The following ZNF117 variants were observed in gnomAD, a reference collection of about 807,000 sequenced individuals.
The protein encoded by ZNF117 is Krueppel-related zinc finger protein.
Under a neutral mutation model 41.2 loss-of-function variants are expected in ZNF117, and 37 were observed. The ratio of observed to expected loss-of-function variants is 0.90; its 90% CI spans 0.69 to 1.18. The LOEUF is 1.18. ZNF117 is among the 50% of genes most tolerant of loss of function. ZNF117 has a pLI of 0.00. For synonymous variants in ZNF117, 186 were observed against 186.6 expected (o/e 1.00, Z 0.02); for missense variants, 546 against 557.5 (o/e 0.98, Z 0.21).
In ZNF117 at chr7:64,979,130, G is replaced by GT. The variant is rs750900302; in HGVS notation, c.440dup (p.Asn147LysfsTer7). Reference sequence around the variant, plus strand: ...TATGTTTATTAAGGGTTGAGGACCAGTTAAAGGCTCTTCCATATGCTTCAC... The same window carrying GT: ...TATGTTTATTAAGGGTTGAGGACCAGTTTAAAGGCTCTTCCATATGCTTCAC... On this transcript the variant is annotated frameshift_variant, in exon 3 of 3. Transcript: ENST00000620222. LOFTEE classifies it high-confidence loss of function. The GT allele has an allele frequency of 1.1e-5, 18 of 1,610,442 alleles. No homozygotes were observed. The highest frequency in any genetic ancestry group is 1.4e-5 in the Non-Finnish European group (17 of 1,178,590).
chr7:64,978,267 T>C lies in ZNF117; in HGVS notation c.1304A>G (p.His435Arg), dbSNP rs373871500. The change falls in exon 3 of 3, where the codon CAT (histidine) becomes CGT (arginine). Residue 435 changes from histidine to arginine, a missense_variant. His to Arg is a conservative substitution (Grantham distance 29). Transcript: ENST00000620222. ...TTTCTCTCCAGTATGAATTCTCTTA[T>C]GTCCAATAAGGGTTGAAGATCGGTT... 8 of 1,595,492 alleles carry C rather than the reference T, an allele frequency of 5.0e-6. No homozygotes were observed. Among genetic ancestry groups the C allele is most frequent in the East Asian group, 2.3e-5 (1 of 44,400 alleles).
Position 64,977,017 on chromosome 7 carries a change from G to C in ZNF117, c.*1102C>G, listed in dbSNP as rs960281640. 4 of 532,572 alleles carry C rather than the reference G, an allele frequency of 7.5e-6. No individual in the cohort carries two copies. In the African/African-American group the frequency reaches 7.7e-5, roughly 10 times the overall value. 33.0% of individuals were successfully genotyped at this position (532,572 alleles called of 1,614,324 possible). A position where few individuals can be genotyped will look rare whatever the true frequency, so the allele number is the denominator to read the frequency against. Reference sequence around the variant, plus strand: ...GTACGATTTTTCTTATGTGCAGTAAGGTTTGAGGATAAGTTAAAAGCTTTG... The same window carrying C: ...GTACGATTTTTCTTATGTGCAGTAACGTTTGAGGATAAGTTAAAAGCTTTG... On this transcript the variant is annotated 3_prime_UTR_variant, in exon 3 of 3. Coordinates refer to ENST00000620222, the Ensembl canonical transcript of ZNF117.
intron 1 of ZNF117, among the ~76,000 whole-genome samples, chr7:64,987,950 G>T (rs988604732): frequency 6.6e-6 from 1 of 151,740 alleles, no homozygotes; most frequent in African/African-American, 2.4e-5. Context: ...CTCCAAAACT[G>T]AATTAGTAAT....
chr7:64,977,667 T>G, exon 3 of ZNF117: 2 of 791,514 alleles, frequency 2.5e-6, no homozygotes, highest in Non-Finnish European at 4.1e-6. Context: ...CTCTCCAGTA[T>G]GAATTTTCTT....
chr7:64,981,255 T>TTA (rs1554397645), intron 2 of ZNF117, 132 bp downstream of exon 3: 66 of 1,131,894 alleles, frequency 5.8e-5, no homozygotes, highest in East Asian at 1.5e-4. Context: ...GAGAGAAAAA[T>TTA]AAAAAAAAAC....
downstream of ZNF117, chr7:64,972,765 G>T (rs539911413): frequency 6.6e-6 from 1 of 152,144 alleles, no homozygotes; most frequent in South Asian, 2.1e-4. Flanking sequence ...ATGTAGTTGT[G>T]TTTTTGAAAA....
chr7:64,974,430 T>C (rs1233433423), downstream of ZNF117: 1 of 151,942 alleles, frequency 6.6e-6, no homozygotes, highest in Non-Finnish European at 1.5e-5. Flanking sequence ...AAGCAGAGTA[T>C]ACATTTACTT....
In ZNF117 at chr7:64,978,702, G is replaced by C; in HGVS notation, c.869C>G (p.Ser290Ter). Reference sequence around the variant, plus strand: ...AATTCTCTTATGTGTAGTAAGGGTTGAGGACTGGTTAAAGGCTTTACCACA... The same window carrying C: ...AATTCTCTTATGTGTAGTAAGGGTTCAGGACTGGTTAAAGGCTTTACCACA... The change falls in exon 3 of 3, where the codon TCA (serine) becomes TGA (stop). Residue 290 changes from serine to a stop codon, truncating the protein, a stop_gained. Transcript: ENST00000620222. LOFTEE classifies it high-confidence loss of function. 1 of 1,613,002 alleles carries C rather than the reference G, an allele frequency of 6.2e-7. No individual in the cohort carries two copies. Among genetic ancestry groups the C allele is most frequent in the African/African-American group, 1.3e-5 (1 of 74,994 alleles).
At chr7:64,973,153 A>G (rs1785807857), downstream of ZNF117, 1 of 152,018 alleles carries the variant, frequency 6.6e-6, no homozygotes, top group African/African-American at 2.4e-5. Context: ...TAATGAGTGA[A>G]AAATTCCTCG....
exon 3 of ZNF117, chr7:64,976,563 T>C: frequency 5.0e-6 from 1 of 199,438 alleles, no homozygotes; most frequent in Non-Finnish European, 1.0e-5. Flanking sequence ...TTTTCCACAT[T>C]TATATTTGTA....
upstream of ZNF117, among the ~76,000 whole-genome samples, chr7:64,984,987 T>C (rs574670344): frequency 6.6e-6 from 1 of 152,268 alleles, no homozygotes; most frequent in South Asian, 2.1e-4. Context: ...AGATGGAGTT[T>C]TGCCATGTCG....
chr7:64,985,541 CAA>C (rs1786115849), upstream of ZNF117, among the ~76,000 whole-genome samples: 1 of 152,128 alleles, frequency 6.6e-6, no homozygotes, highest in Admixed American at 6.5e-5. Context: ...AGGTCCTAGA[CAA>C]AGACAATCCC....
chr7:64,980,243 G>C (rs1161929515), intron 2 of ZNF117: 3 of 152,028 alleles, frequency 2.0e-5, no homozygotes, highest in Non-Finnish European at 4.4e-5. Flanking sequence ...CCAGGACAAA[G>C]CTACATTATA....
At chr7:64,981,338 T>C in intron 2 of ZNF117, 49 bp downstream of exon 3, 1 of 1,605,750 alleles carries the variant, frequency 6.2e-7, no homozygotes, top group Non-Finnish European at 8.5e-7. Flanking sequence ...GCCTTCTCCT[T>C]GGCCTTTGAC....
At chr7:64,982,654 A>C (rs1786056055), upstream of ZNF117, among the ~76,000 whole-genome samples, 1 of 152,188 alleles carries the variant, frequency 6.6e-6, no homozygotes, top group African/African-American at 2.4e-5. Context: ...TAGGTGGGTG[A>C]GCCTGTGTTT....
chr7:64,977,600 AG>A, exon 3 of ZNF117: 1 of 601,774 alleles, frequency 1.7e-6, no homozygotes, highest in South Asian at 1.4e-5. Flanking sequence ...TTTTATGTAT[AG>A]TAAGAGTTGA....
At chr7:64,981,452 G>A in exon 2 of ZNF117, 1 of 1,612,214 alleles carries the variant, frequency 6.2e-7, no homozygotes, top group Non-Finnish European at 8.5e-7. Flanking sequence ...CTCCAGACAG[G>A]TAATCAGGTC....
upstream of ZNF117, among the ~76,000 whole-genome samples, chr7:64,984,487 T>C (rs1277616601): frequency 2.0e-5 from 3 of 152,260 alleles, no homozygotes; most frequent in Non-Finnish European, 4.4e-5. Flanking sequence ...AGAGCTATTA[T>C]GGTTTTTGGG....
At chr7:64,981,279 A>G in intron 2 of ZNF117, 108 bp downstream of exon 3, 1 of 1,426,854 alleles carries the variant, frequency 7.0e-7, no homozygotes. Flanking sequence ...GGCTTTCCAG[A>G]AACTATTTCC....
Sources: gnomAD v4.1 joint callset for allele counts (sites outside exome capture counted in the v4.1 genomes callset) on GRCh38, gnomAD v4.1.1 for gene constraint, MANE v1.5 for transcripts, NCBI Gene and HGNC (gene_info 2026-07-23, HGNC 2026-07-21) for gene names.